The following CSRP1 variants were observed in gnomAD, a reference collection of about 807,000 sequenced individuals.
CSRP1 encodes cysteine and glycine rich protein 1.
In CSRP1, 16 loss-of-function variants were observed where a neutral mutation model predicts 25.4. That is an observed-to-expected ratio of 0.63 (90% confidence interval 0.43 to 0.96). The LOEUF (loss-of-function observed/expected upper bound fraction) is 0.96, where lower values mean the gene tolerates loss of function less well. Among genes scored for constraint, CSRP1 ranks in the 40% least tolerant of loss-of-function variants. CSRP1 has a pLI of 0.00. For synonymous variants in CSRP1, 97 were observed against 95.3 expected, an observed-to-expected ratio of 1.02 and a Z score of -0.10; for missense variants, 212 against 243.6, an observed-to-expected ratio of 0.87 and a Z score of 0.86.
intron 4 of CSRP1, chr1:201,487,151 C>T (rs1259922448): frequency 4.6e-6 from 2 of 439,106 alleles, no homozygotes; most frequent in Non-Finnish European, 8.0e-6. Context: ...GTAGCTCACA[C>T]CTGTAATCCC....
In CSRP1 at chr1:201,484,052, T is replaced by C. The variant is rs1664053722; in HGVS notation, c.*661A>G. The C allele has an allele frequency of 1.4e-6, 1 of 696,270 alleles. No individual in the cohort carries two copies. Among genetic ancestry groups the C allele is most frequent in the Non-Finnish European group, 2.6e-6 (1 of 380,020 alleles). The allele number at this position is 696,270 out of a possible 1,614,324, so 43.1% of individuals were successfully genotyped here. A position where few individuals can be genotyped will look rare whatever the true frequency, so the allele number is the denominator to read the frequency against. ...AGAAGATCAAACAACATCCTGACTTTGGGGTCCTTAAGACCTGGGTTATTC... is the reference window on the plus strand; with the variant it reads ...AGAAGATCAAACAACATCCTGACTTCGGGGTCCTTAAGACCTGGGTTATTC... On this transcript the variant is annotated 3_prime_UTR_variant, in exon 6 of 6. Coordinates refer to ENST00000340006, the MANE Select transcript of CSRP1 (RefSeq NM_004078.3).
intron 1 of CSRP1, among the ~76,000 whole-genome samples, chr1:201,506,180 G>C (rs567805250): frequency 2.6e-5 from 4 of 152,158 alleles, no homozygotes; most frequent in African/African-American, 7.2e-5. Flanking sequence ...CTTTCTACCA[G>C]GGCCCAGTGG....
chr1:201,485,724 A>G, intron 4 of CSRP1: 1 of 284,236 alleles, frequency 3.5e-6, no homozygotes. Context: ...TCTTGCCAGT[A>G]GATCAGTGGT....
rs1053635 is a variant in CSRP1, at chr1:201,483,778, G to A, written c.*935C>T. ...AGGCAGGGTCTTGGGTTAAAGGGAA[G>A]ATTCTGAGGTCTCAGGGCAAAGGGA... On this transcript the variant is annotated 3_prime_UTR_variant, in exon 6 of 6. Transcript: ENST00000340006. The A allele has an allele frequency of 2.1e-6, 1 of 480,416 alleles. No homozygotes were observed. The highest frequency in any genetic ancestry group is 3.8e-6 in the Non-Finnish European group (1 of 264,224). 29.8% of individuals were successfully genotyped at this position (480,416 alleles called of 1,614,324 possible).
chr1:201,485,326 C>T lies in CSRP1; in HGVS notation c.462G>A (p.Glu154=), dbSNP rs139292154. 2.2e-5 allele frequency: 35 copies of T among 1,614,094 alleles called. No individual in the cohort carries two copies. The highest frequency in any genetic ancestry group is 2.7e-5 in the Non-Finnish European group (32 of 1,180,028). ...CATCCTTGTCTGCCAGGGTGGTTGA[C>T]TCAAGGCCTTTGCCACACTTGGCAC... ...FRCAKCGKGL[E]STTLADKDGE... Residue 154 remains glutamate, a synonymous_variant, in exon 5 of 6, where the codon GAG becomes GAA. Coordinates refer to ENST00000340006, the MANE Select transcript of CSRP1 (RefSeq NM_004078.3).
At position 201,483,808 on chromosome 1, in the gene CSRP1, T is replaced by G; in HGVS notation, c.*905A>C. 1 of 511,188 alleles carries G rather than the reference T, an allele frequency of 2.0e-6. No individual in the cohort carries two copies. The highest frequency in any genetic ancestry group is 3.1e-5 in the South Asian group (1 of 31,994). 31.7% of individuals were successfully genotyped at this position (511,188 alleles called of 1,614,324 possible). A position where few individuals can be genotyped will look rare whatever the true frequency, so the allele number is the denominator to read the frequency against. ...TGAGGTCTCAGGGCAAAGGGAAAGGTGTTTGGATGAAGACTGAGGCAGTGC... is the reference window on the plus strand; with the variant it reads ...TGAGGTCTCAGGGCAAAGGGAAAGGGGTTTGGATGAAGACTGAGGCAGTGC... On this transcript the variant is annotated 3_prime_UTR_variant, in exon 6 of 6. Transcript: ENST00000340006.
chr1:201,484,838 C>T (rs753215319), intron 5 of CSRP1, 49 bp from the exon 6 acceptor site: 2 of 1,501,356 alleles, frequency 1.3e-6, no homozygotes, highest in African/African-American at 1.4e-5. Context: ...CCACCCCCAG[C>T]CACACCACCC....
intron 4 of CSRP1, chr1:201,487,268 C>T: frequency 4.9e-6 from 1 of 203,416 alleles, no homozygotes; most frequent in Non-Finnish European, 1.0e-5. Flanking sequence ...CAAAAATTAG[C>T]TGGGTGTGGT....
At position 201,483,781 on chromosome 1, in the gene CSRP1, T is replaced by G; in HGVS notation, c.*932A>C. ...CAGGGTCTTGGGTTAAAGGGAAGAT[T>G]CTGAGGTCTCAGGGCAAAGGGAAAG... On this transcript the variant is annotated 3_prime_UTR_variant, in exon 6 of 6. Coordinates refer to ENST00000340006, the MANE Select transcript of CSRP1 (RefSeq NM_004078.3). 1 of 486,328 alleles carries G rather than the reference T, an allele frequency of 2.1e-6. No individual in the cohort carries two copies. The highest frequency in any genetic ancestry group is 3.7e-6 in the Non-Finnish European group (1 of 267,482). The allele number at this position is 486,328 out of a possible 1,614,324, so 30.1% of individuals were successfully genotyped here. A position where few individuals can be genotyped will look rare whatever the true frequency, so the allele number is the denominator to read the frequency against.
chr1:201,501,886 C>A (rs1262292), intron 1 of CSRP1, among the ~76,000 whole-genome samples: 115,142 of 151,718 alleles, frequency 0.76, 43,979 homozygotes, highest in Middle Eastern at 0.84. Flanking sequence ...CCAGCTACTC[C>A]GGAGGCTGAG....
chr1:201,496,466 G>A (rs906085904), intron 1 of CSRP1, 162 bp from the exon 2 acceptor site: 15 of 643,028 alleles, frequency 2.3e-5, no homozygotes, highest in African/African-American at 1.3e-4. Context: ...GCTAGCTCTC[G>A]ACAGCAGCCT....
chr1:201,503,145 C>CA (rs1420683076), intron 1 of CSRP1, among the ~76,000 whole-genome samples: 4 of 151,532 alleles, frequency 2.6e-5, no homozygotes, highest in African/African-American at 4.8e-5. Context: ...AACTCTGTCT[C>CA]AAAAAAAAGA....
intron 1 of CSRP1, among the ~76,000 whole-genome samples, chr1:201,501,092 G>A (rs943629613): frequency 1.2e-4 from 18 of 152,190 alleles, no homozygotes; most frequent in Admixed American, 7.9e-4. Context: ...AAAATGGACC[G>A]TATATGGACT....
At chr1:201,494,949 T>A (rs142392937) in intron 2 of CSRP1, among the ~76,000 whole-genome samples, 1 of 152,198 alleles carries the variant, frequency 6.6e-6, no homozygotes, top group South Asian at 2.1e-4. Flanking sequence ...CTCACAACAA[T>A]CCCATGAGGT....
intron 1 of CSRP1, among the ~76,000 whole-genome samples, chr1:201,498,950 G>A (rs1006736233): frequency 6.6e-6 from 1 of 152,164 alleles, no homozygotes; most frequent in African/African-American, 2.4e-5. Flanking sequence ...CCCAGGTTCT[G>A]GAGCAGCCGC....
chr1:201,502,749 T>A (rs999802877), intron 1 of CSRP1, among the ~76,000 whole-genome samples: 1 of 152,168 alleles, frequency 6.6e-6, no homozygotes, highest in Admixed American at 6.5e-5. Context: ...CCAGTGGCCC[T>A]TGTGAGACTG....
chr1:201,489,432 A>T (rs1664257236), intron 3 of CSRP1: 1 of 175,520 alleles, frequency 5.7e-6, no homozygotes, highest in Non-Finnish European at 1.2e-5. Context: ...GCCAACAGCC[A>T]CCATTTACCC....
At chr1:201,494,681 C>G (rs1664448345) in intron 2 of CSRP1, among the ~76,000 whole-genome samples, 1 of 152,204 alleles carries the variant, frequency 6.6e-6, no homozygotes, top group African/African-American at 2.4e-5. Flanking sequence ...GTATCCTACT[C>G]TGGAGCACAA....
intron 4 of CSRP1, chr1:201,486,543 C>T: frequency 1.0e-6 from 1 of 988,286 alleles, no homozygotes; most frequent in Middle Eastern, 5.2e-4. Context: ...TAGGTCAGTG[C>T]TGGTGCAACC....
Sources: allele counts gnomAD v4.1 joint callset (sites outside exome capture counted in the v4.1 genomes callset), GRCh38; gene constraint gnomAD v4.1.1; transcripts MANE v1.5; gene names NCBI Gene and HGNC (gene_info 2026-07-23, HGNC 2026-07-21).